GRID2: variants seen among roughly 807,000 people sequenced by gnomAD.
GRID2 encodes glutamate ionotropic receptor delta type subunit 2, also known as glutamate receptor ionotropic, delta-2.
GRID2 carries 33 observed loss-of-function variants against 114.8 expected under a neutral mutation model. That is an observed-to-expected ratio of 0.29 (90% CI 0.22 to 0.38). The LOEUF is 0.38. GRID2 is among the 10% of genes least tolerant of loss of function. GRID2 has a pLI of 1.00. For synonymous variants in GRID2, 505 were observed against 449.9 expected (o/e 1.12, Z -1.55); for missense variants, 1,184 against 1,257.7 (o/e 0.94, Z 0.89).
intron 14 of GRID2, among the ~76,000 whole-genome samples, chr4:93,742,878 A>G (rs1731537223): frequency 6.6e-6 from 1 of 152,182 alleles, no homozygotes; most frequent in Admixed American, 6.5e-5. Context: ...TGAAAAAACA[A>G]AAAGAGTCTC....
intron 13 of GRID2, among the ~76,000 whole-genome samples, chr4:93,608,358 T>C (rs1740540407): frequency 1.4e-5 from 2 of 144,258 alleles, no homozygotes; most frequent in Admixed American, 1.4e-4. Context: ...ATGTGCACAT[T>C]GTGCAGGTTA....
chr4:92,746,078 C>A (rs1294567041), intron 2 of GRID2, among the ~76,000 whole-genome samples: 2 of 152,066 alleles, frequency 1.3e-5, no homozygotes, highest in African/African-American at 4.8e-5. Flanking sequence ...TCCTGTAGAT[C>A]TAGTGTTTAG....
chr4:93,378,706 T>G (rs970234978), intron 8 of GRID2, among the ~76,000 whole-genome samples: 11 of 152,128 alleles, frequency 7.2e-5, no homozygotes, highest in African/African-American at 2.7e-4. Context: ...ATTCCAAATT[T>G]TTATTCCAAA....
chr4:93,347,122 T>A (rs1760319035), intron 8 of GRID2, among the ~76,000 whole-genome samples: 1 of 152,006 alleles, frequency 6.6e-6, no homozygotes, highest in Admixed American at 6.6e-5. Flanking sequence ...GCTTTCACTC[T>A]CACTTTCTGC....
At chr4:93,644,532 C>A (rs545266575) in intron 14 of GRID2, among the ~76,000 whole-genome samples, 1 of 152,026 alleles carries the variant, frequency 6.6e-6, no homozygotes, top group African/African-American at 2.4e-5. Context: ...TGTGTATTTT[C>A]CATTAATGAA....
At chr4:92,634,158 A>G (rs1730950132) in intron 2 of GRID2, among the ~76,000 whole-genome samples, 1 of 152,080 alleles carries the variant, frequency 6.6e-6, no homozygotes, top group African/African-American at 2.4e-5. Flanking sequence ...TGTTGTAAGA[A>G]AGTTTACGAG....
chr4:92,642,477 G>C (rs1324716003), intron 2 of GRID2, among the ~76,000 whole-genome samples: 1 of 151,752 alleles, frequency 6.6e-6, no homozygotes, highest in African/African-American at 2.4e-5. Context: ...TTTTTAAATG[G>C]AGTTATCTGT....
In GRID2 at chr4:93,730,497, T is replaced by C. The variant is rs1005910799; in HGVS notation, c.2361-38713T>C. Among the ~76,000 whole-genome samples, 4 of 152,158 alleles carry C rather than the reference T, an allele frequency of 2.6e-5. No individual in the cohort carries two copies. The South Asian group carries it at 8.3e-4, about 32-fold the overall frequency. On this transcript the variant is annotated intron_variant, in intron 14 of 15. Coordinates refer to ENST00000282020, the MANE Select transcript of GRID2 (RefSeq NM_001510.4). Reference sequence around the variant, plus strand: ...AAAAATAAAAGCGACAATCAAGCCTTTAATCTCTTCCTGCAGTAGTGTAAT... The same window carrying C: ...AAAAATAAAAGCGACAATCAAGCCTCTAATCTCTTCCTGCAGTAGTGTAAT...
At chr4:93,629,197 C>A (rs1743022061) in intron 14 of GRID2, among the ~76,000 whole-genome samples, 1 of 152,180 alleles carries the variant, frequency 6.6e-6, no homozygotes, top group Admixed American at 6.5e-5. Context: ...GATTTTAATT[C>A]TCAGAAAATG....
intron 8 of GRID2, among the ~76,000 whole-genome samples, chr4:93,337,780 A>G (rs1247005245): frequency 1.3e-5 from 2 of 152,202 alleles, no homozygotes; most frequent in Non-Finnish European, 2.9e-5. Flanking sequence ...AGTAAATTTA[A>G]ACGTTTGCTT....
intron 1 of GRID2, among the ~76,000 whole-genome samples, chr4:93,794,707 G>A (rs1005501651): frequency 6.6e-6 from 1 of 152,172 alleles, no homozygotes; most frequent in African/African-American, 2.4e-5. Flanking sequence ...GCATAATGCA[G>A]CTTAAATTAA....
chr4:93,793,143 A>C (rs1734728486), intron 1 of GRID2, among the ~76,000 whole-genome samples: 1 of 152,232 alleles, frequency 6.6e-6, no homozygotes, highest in Non-Finnish European at 1.5e-5. Flanking sequence ...AATTCATAAA[A>C]TTTACTTATT....
At chr4:92,641,535 T>G in intron 2 of GRID2, among the ~76,000 whole-genome samples, 1 of 151,710 alleles carries the variant, frequency 6.6e-6, no homozygotes, top group African/African-American at 2.4e-5. Context: ...AGGTAGATGA[T>G]GAGAAGGGGA....
intron 1 of GRID2, among the ~76,000 whole-genome samples, chr4:92,339,681 G>A (rs1468708195): frequency 6.6e-6 from 1 of 152,120 alleles, no homozygotes; most frequent in Non-Finnish European, 1.5e-5. Flanking sequence ...AACCCCTGAA[G>A]TATACTAATT....
chr4:92,424,165 T>C (rs1040300559), intron 1 of GRID2, among the ~76,000 whole-genome samples: 9 of 152,092 alleles, frequency 5.9e-5, no homozygotes, highest in Non-Finnish European at 1.3e-4. Flanking sequence ...GTAGTCTGTC[T>C]TGATCCAAGA....
chr4:93,556,250 G>T (rs1188121195), intron 13 of GRID2, among the ~76,000 whole-genome samples: 1 of 152,130 alleles, frequency 6.6e-6, no homozygotes, highest in Non-Finnish European at 1.5e-5. Flanking sequence ...AAACTAGATG[G>T]AGAATGAGTC....
intron 2 of GRID2, among the ~76,000 whole-genome samples, chr4:93,043,698 C>G (rs1484052105): frequency 1.4e-5 from 2 of 145,564 alleles, no homozygotes; most frequent in Admixed American, 7.0e-5. Context: ...CATAGGTATG[C>G]AAGAGATAGA....
chr4:92,396,467 T>C (rs772623374), intron 1 of GRID2, among the ~76,000 whole-genome samples: 1 of 151,990 alleles, frequency 6.6e-6, no homozygotes, highest in African/African-American at 2.4e-5. Flanking sequence ...GAATGACTTA[T>C]CATCATCATA....
intron 2 of GRID2, among the ~76,000 whole-genome samples, chr4:93,055,549 TA>T (rs539094970): frequency 6.6e-6 from 1 of 151,764 alleles, no homozygotes; most frequent in Admixed American, 6.6e-5. Flanking sequence ...CAAAAACATA[TA>T]AAAAATGATA....
Sources: allele counts gnomAD v4.1 joint callset (sites outside exome capture counted in the v4.1 genomes callset), GRCh38; gene constraint gnomAD v4.1.1; transcripts MANE v1.5; gene names NCBI Gene and HGNC (gene_info 2026-07-23, HGNC 2026-07-21).